MAPK14: variants seen among roughly 807,000 people sequenced by gnomAD.
MAPK14 encodes CSAID-binding protein.
MAPK14 carries 16 observed loss-of-function variants against 49.6 expected under a neutral mutation model. The observed-to-expected ratio is 0.32, with a 90% CI of 0.22 to 0.49. The LOEUF (loss-of-function observed/expected upper bound fraction) is 0.49. Ranked by LOEUF, MAPK14 falls within the 20% of genes least tolerant of loss-of-function variation. MAPK14 has a pLI of 0.99. For missense variants in MAPK14, 200 were observed against 441.2 expected, an observed-to-expected ratio of 0.45 and a Z score of 4.90; for synonymous variants, 142 against 158.0, an observed-to-expected ratio of 0.90 and a Z score of 0.76.
At position 36,049,594 on chromosome 6, in the gene MAPK14, C is replaced by G. The variant is rs115558076; in HGVS notation, c.117-3105C>G. 7.9e-3 allele frequency among the ~76,000 whole-genome samples: 1,204 copies of G among 152,260 alleles called. 13 individuals carry two copies. The highest frequency in any genetic ancestry group is 0.028 in the African/African-American group (1,153 of 41,530). ...AAATTCCCAGGTGAAACTGATGCTGCTGATCTGGGAACCTCTGGTGTAGGT... is the reference window on the plus strand; with the variant it reads ...AAATTCCCAGGTGAAACTGATGCTGGTGATCTGGGAACCTCTGGTGTAGGT... On this transcript the variant is annotated intron_variant, in intron 1 of 11. Transcript: ENST00000229794.
intron 1 of MAPK14, among the ~76,000 whole-genome samples, chr6:36,047,277 T>C (rs1449798025): frequency 6.6e-6 from 1 of 152,100 alleles, no homozygotes; most frequent in African/African-American, 2.4e-5. Context: ...ACTTGAAGGA[T>C]AAGGATTTAG....
At chr6:36,093,486 G>A (rs6914570) in intron 8 of MAPK14, among the ~76,000 whole-genome samples, 21,021 of 152,034 alleles carry the variant, frequency 0.14, 1,761 homozygotes, top group African/African-American at 0.24. Context: ...TTGGGAGGCC[G>A]AGGCAGGCGG....
rs201890923 is a variant in MAPK14, at chr6:36,109,196, T to G, written c.*749T>G. On this transcript the variant is annotated 3_prime_UTR_variant, in exon 12 of 12. Coordinates refer to ENST00000229794, the MANE Select transcript of MAPK14 (RefSeq NM_139012.3). ...GCCTTCATAGGCGGTCATGTGTGCA[T>G]GTGAGCACATGCGTATATGTGCGTC... The G allele has an allele frequency of 1.3e-5, 2 of 152,748 alleles. No individual in the cohort carries two copies. The highest frequency in any genetic ancestry group is 2.9e-5 in the Non-Finnish European group (2 of 68,130). 9.5% of individuals were successfully genotyped at this position (152,748 alleles called of 1,614,324 possible). A position where few individuals can be genotyped will look rare whatever the true frequency, so the allele number is the denominator to read the frequency against.
At chr6:36,112,288 C>G (rs1284278943), downstream of MAPK14, among the ~76,000 whole-genome samples, 1 of 152,046 alleles carries the variant, frequency 6.6e-6, no homozygotes, top group African/African-American at 2.4e-5. Context: ...AGCCTTCCTC[C>G]TAGGCTTCTG....
chr6:36,034,968 G>A (rs906022228), intron 1 of MAPK14, among the ~76,000 whole-genome samples: 2 of 146,840 alleles, frequency 1.4e-5, no homozygotes, highest in South Asian at 2.1e-4. Context: ...GTGCGATCTC[G>A]GCTCACTGCA....
intron 1 of MAPK14, among the ~76,000 whole-genome samples, chr6:36,045,386 C>G (rs1175816352): frequency 6.6e-6 from 1 of 152,174 alleles, no homozygotes; most frequent in African/African-American, 2.4e-5. Flanking sequence ...CTCTTCAGCT[C>G]TCCTGAGTAC....
chr6:36,097,309 T>G (rs1765478582), intron 9 of MAPK14: 1 of 152,250 alleles, frequency 6.6e-6, no homozygotes, highest in Admixed American at 6.5e-5. Context: ...CCAGATGTTC[T>G]GATAACATGA....
At chr6:36,031,801 G>T (rs1762553414) in intron 1 of MAPK14, among the ~76,000 whole-genome samples, 1 of 152,168 alleles carries the variant, frequency 6.6e-6, no homozygotes, top group African/African-American at 2.4e-5. Flanking sequence ...AGTCTGATAA[G>T]AAAGATAAGG....
chr6:36,031,001 C>G (rs182552721), intron 1 of MAPK14, among the ~76,000 whole-genome samples: 1 of 152,298 alleles, frequency 6.6e-6, no homozygotes, highest in Non-Finnish European at 1.5e-5. Flanking sequence ...TTCAGAGATT[C>G]AGCGTAGTTA....
chr6:36,077,758 TC>T (rs1764590297), intron 8 of MAPK14, among the ~76,000 whole-genome samples: 2 of 152,202 alleles, frequency 1.3e-5, no homozygotes, highest in Admixed American at 1.3e-4. Flanking sequence ...ACTCCCTACC[TC>T]TGGATTTTAA....
chr6:36,078,282 C>T (rs1250884683), intron 8 of MAPK14, among the ~76,000 whole-genome samples: 4 of 152,172 alleles, frequency 2.6e-5, no homozygotes, highest in South Asian at 4.1e-4. Flanking sequence ...CTGGAAAGTA[C>T]TGAGACGAGC....
In MAPK14 at chr6:36,028,569, C is replaced by T. The variant is rs6914416; in HGVS notation, c.116+296C>T. Among the ~76,000 whole-genome samples, 2,723 of 152,294 alleles carry T rather than the reference C, an allele frequency of 0.018. 76 individuals carry two copies. The highest frequency in any genetic ancestry group is 0.061 in the African/African-American group (2,545 of 41,552). ...CTTCCCCTCTCGGAGGGTTGCTGCT[C>T]GGCAACAGGCACCGGGGGAAGGGCC... is the stretch of plus-strand genomic sequence containing the variant. On this transcript the variant is annotated intron_variant, in intron 1 of 11. Coordinates refer to ENST00000229794, the MANE Select transcript of MAPK14 (RefSeq NM_139012.3). This position sits in a 1 kb window ranked among gnomAD's most constrained non-coding sequence, Gnocchi z 5.1.
At chr6:36,112,663 T>C (rs77002033), downstream of MAPK14, among the ~76,000 whole-genome samples, 2,081 of 152,346 alleles carry the variant, frequency 0.014, 52 homozygotes, top group African/African-American at 0.047. Flanking sequence ...TTCTTTTTTA[T>C]AAGTATCTAT....
At position 36,075,571 on chromosome 6, in the gene MAPK14, T is replaced by G. The variant is rs570310923; in HGVS notation, c.496-277T>G. Reference sequence around the variant, plus strand: ...GCTGTGTAAAGCAACTGTGAATGTTTATGTGCAAACCTTTGTATGGACGTA... The same window carrying G: ...GCTGTGTAAAGCAACTGTGAATGTTGATGTGCAAACCTTTGTATGGACGTA... On this transcript the variant is annotated intron_variant, in intron 6 of 11. Coordinates refer to ENST00000229794, the MANE Select transcript of MAPK14 (RefSeq NM_139012.3). Among the ~76,000 whole-genome samples, 4 of 152,348 alleles carry G rather than the reference T, an allele frequency of 2.6e-5. No individual in the cohort carries two copies. In the South Asian group the frequency reaches 8.3e-4, roughly 32 times the overall value.
chr6:36,052,908 A>G, intron 2 of MAPK14, 80 bp downstream of exon 2: 2 of 1,326,072 alleles, frequency 1.5e-6, no homozygotes, highest in South Asian at 1.3e-5. Flanking sequence ...GCAGATGGAA[A>G]TACGCTGGAG....
At chr6:36,091,954 C>T (rs544150399) in intron 8 of MAPK14, 3 of 277,580 alleles carry the variant, frequency 1.1e-5, no homozygotes, top group African/African-American at 6.9e-5. Context: ...GCCTGGTAGT[C>T]TCATTTACAA....
chr6:36,032,244 A>G (rs1487594362), intron 1 of MAPK14, among the ~76,000 whole-genome samples: 1 of 152,202 alleles, frequency 6.6e-6, no homozygotes, highest in East Asian at 1.9e-4. Context: ...TTTAATTTAT[A>G]CTAAGTATAG....
chr6:36,044,165 A>G (rs566242601), intron 1 of MAPK14, among the ~76,000 whole-genome samples: 272 of 152,330 alleles, frequency 1.8e-3, no homozygotes, highest in Middle Eastern at 0.014. Context: ...TTGCTAATTC[A>G]GTGTAACTAC....
In MAPK14 at chr6:36,064,750, T is replaced by C. The variant is rs77384762; in HGVS notation, c.305+5403T>C. 6.7e-3 allele frequency among the ~76,000 whole-genome samples: 1,026 copies of C among 152,350 alleles called. 9 individuals are homozygous for C. Among genetic ancestry groups the C allele is most frequent in the African/African-American group, 0.023 (974 of 41,586 alleles). ...TCAATAAATATTTGAATATCTACCT[T>C]ATGCTAGGCACAGTAATAGTCTCTG... On this transcript the variant is annotated intron_variant, in intron 3 of 11. Transcript: ENST00000229794.
Sources: gnomAD v4.1 joint callset for allele counts (sites outside exome capture counted in the v4.1 genomes callset) on GRCh38, gnomAD v4.1.1 for gene constraint, Gnocchi (gnomAD v3.1) non-coding constraint, MANE v1.5 for transcripts, NCBI Gene and HGNC (gene_info 2026-07-23, HGNC 2026-07-21) for gene names.